Variants in PCDHA3 observed in about 807,000 individuals in gnomAD.
PCDHA3 encodes protocadherin alpha 3, also known as protocadherin alpha-3.
In PCDHA3, 41 loss-of-function variants were observed where a neutral mutation model predicts 62.2. That is an observed-to-expected ratio of 0.66 (90% CI 0.51 to 0.86). PCDHA3 has a LOEUF of 0.86. PCDHA3 is among the 40% of genes least tolerant of loss of function. The pLI, the probability that PCDHA3 is intolerant of heterozygous loss-of-function variation, is 0.00. For synonymous variants in PCDHA3, 640 were observed against 555.4 expected (o/e 1.15, Z -2.14); for missense variants, 1,304 against 1,241.2 (o/e 1.05, Z -0.76).
intron 1 of PCDHA3, among the ~76,000 whole-genome samples, chr5:140,914,884 CCTG>C (rs2153531970): frequency 6.6e-6 from 1 of 151,782 alleles, no homozygotes; most frequent in East Asian, 1.9e-4. Flanking sequence ...ACTGTATCCT[CCTG>C]CTTTTAACTT....
chr5:140,981,721 A>G (rs2096948672), intron 2 of PCDHA3, among the ~76,000 whole-genome samples: 1 of 151,112 alleles, frequency 6.6e-6, no homozygotes, highest in Non-Finnish European at 1.5e-5. Context: ...TTCATCCAAC[A>G]AATATTTGAG....
rs782025005 is a variant in PCDHA3 at position 140,982,513 on chromosome 5, G to C, written c.2492G>C (p.Gly831Ala). 83 of 1,614,076 alleles carry C rather than the reference G, an allele frequency of 5.1e-5. No homozygotes were observed. The highest frequency in any genetic ancestry group is 6.4e-5 in the Non-Finnish European group (75 of 1,180,040). ...GAGGAGGCTGGCATTCTACGGGCTG[G>C]TCCAGGAGGGCCTGATCAGCAGTGG... The part of the protein sequence containing the change: ...HLEEAGILRA[G>A]PGGPDQQWPT... The change falls in exon 3 of 4, where the codon GGT becomes GCT. Residue 831 changes from glycine (G) to alanine (A), a missense_variant. Transcript: ENST00000522353.
Position 140,820,128 on chromosome 5 carries a change from A to G in PCDHA3, c.2394+16537A>G, listed in dbSNP as rs191849856. ...TTTCTTATGTTTTTAACCATTGTGT[A>G]TTAAAATATTTCAAAATTATCAGTA... is the stretch of plus-strand genomic sequence containing the variant. On this transcript the variant is annotated intron_variant, in intron 1 of 3. Transcript: ENST00000522353. Among the ~76,000 whole-genome samples the G allele has an allele frequency of 3.5e-3, 530 of 152,088 alleles. 5 individuals are homozygous for G. Among genetic ancestry groups the G allele is most frequent in the African/African-American group, 0.012 (508 of 41,552 alleles).
intron 1 of PCDHA3, chr5:140,828,615 G>T: frequency 6.2e-7 from 1 of 1,614,212 alleles, no homozygotes; most frequent in Non-Finnish European, 8.5e-7. Context: ...CTCAGTTCTA[G>T]CGAATACTTC....
chr5:140,909,341 T>C (rs2074443719), intron 1 of PCDHA3, among the ~76,000 whole-genome samples: 1 of 152,222 alleles, frequency 6.6e-6, no homozygotes, highest in African/African-American at 2.4e-5. Context: ...GCATACCAGG[T>C]ACCAAGAGAT....
intron 1 of PCDHA3, chr5:140,869,754 G>A (rs781808579): frequency 1.2e-6 from 2 of 1,613,182 alleles, no homozygotes; most frequent in Admixed American, 1.7e-5. Context: ...CTACAGACGG[G>A]GGAAAACCAG....
chr5:140,861,466 T>C (rs533343348), intron 1 of PCDHA3: 34 of 493,930 alleles, frequency 6.9e-5, no homozygotes, highest in African/African-American at 6.7e-4. Context: ...GAGGTAAATC[T>C]GCAGAATGGC....
intron 3 of PCDHA3, among the ~76,000 whole-genome samples, chr5:140,999,451 C>T (rs1245812469): frequency 4.6e-5 from 7 of 152,084 alleles, no homozygotes; most frequent in African/African-American, 9.7e-5. Context: ...ATTCGTTCAA[C>T]GAATAAGTGG....
chr5:140,948,709 CT>C (rs144736017), intron 1 of PCDHA3, among the ~76,000 whole-genome samples: 2,043 of 151,408 alleles, frequency 0.013, 38 homozygotes, highest in African/African-American at 0.047. Context: ...GTGTTCTATC[CT>C]CTTTTTTATC....
chr5:140,934,235 A>G (rs1202721010), intron 1 of PCDHA3, among the ~76,000 whole-genome samples: 1 of 152,048 alleles, frequency 6.6e-6, no homozygotes, highest in Non-Finnish European at 1.5e-5. Flanking sequence ...TTTGTACTTA[A>G]TTGTGGAGAT....
At chr5:140,941,255 C>CTTTCTCTT (rs782490896) in intron 1 of PCDHA3, among the ~76,000 whole-genome samples, 24 of 44,510 alleles carry the variant, frequency 5.4e-4, no homozygotes, top group African/African-American at 1.5e-3. Flanking sequence ...TTCTTTCTTT[C>CTTTCTCTT]TCTTTCTTTC....
chr5:140,916,743 G>C (rs1355752854), intron 1 of PCDHA3, among the ~76,000 whole-genome samples: 1 of 152,156 alleles, frequency 6.6e-6, no homozygotes, highest in African/African-American at 2.4e-5. Context: ...AAGCTTCACT[G>C]CCTGGGATTA....
intron 1 of PCDHA3, chr5:140,828,594 TA>T: frequency 6.2e-7 from 1 of 1,614,242 alleles, no homozygotes; most frequent in Non-Finnish European, 8.5e-7. Flanking sequence ...AATTCCATCT[TA>T]ACCTATAAAC....
chr5:140,828,494 G>C (rs1333830874), intron 1 of PCDHA3: 1 of 1,614,144 alleles, frequency 6.2e-7, no homozygotes. Flanking sequence ...CTTGTTCCCG[G>C]TAGAGGAACA....
In PCDHA3 at chr5:140,946,631, T is replaced by TATAC. The variant is rs57893927; in HGVS notation, c.2395-32317_2395-32316insTACA. ...TGTGAAATATATATATATATATATA[T>TATAC]ACAATGGAATACTCATCAGCCATTA... On this transcript the variant is annotated intron_variant, in intron 1 of 3. Transcript: ENST00000522353. 2.4e-4 allele frequency among the ~76,000 whole-genome samples: 32 copies of TATAC among 131,838 alleles called. 1 individual carries two copies. The highest frequency in any genetic ancestry group is 4.2e-4 in the African/African-American group (12 of 28,706). 86.5% of individuals were successfully genotyped at this position (131,838 alleles called of 152,430 possible).
chr5:140,836,209 A>T, intron 1 of PCDHA3: 1 of 1,613,782 alleles, frequency 6.2e-7, no homozygotes, highest in Non-Finnish European at 8.5e-7. Context: ...TGGCTTTCGT[A>T]TGAGTTGCAA....
At chr5:140,822,835 C>A (rs1767446565) in intron 1 of PCDHA3, 1 of 1,614,198 alleles carries the variant, frequency 6.2e-7, no homozygotes, top group Non-Finnish European at 8.5e-7. Flanking sequence ...CATAACCACC[C>A]TTTTCCTGCC....
rs2150111777 is a variant in PCDHA3, at chr5:140,821,900, C to A, written c.2394+18309C>A. On this transcript the variant is annotated intron_variant, in intron 1 of 3. Coordinates refer to ENST00000522353, the MANE Select transcript of PCDHA3 (RefSeq NM_018906.3). ...ATCCCGGAGGAAGCCAAACACGGAA[C>A]CTTCGTTGGCCGCATCGCGCAGGAC... is the stretch of plus-strand genomic sequence containing the variant. 24 of 1,614,088 alleles carry A rather than the reference C, an allele frequency of 1.5e-5. No individual in the cohort carries two copies. The East Asian group carries it at 2.4e-4, about 16-fold the overall frequency.
intron 1 of PCDHA3, chr5:140,808,084 T>C (rs371031734): frequency 3.1e-6 from 5 of 1,613,938 alleles, no homozygotes; most frequent in Middle Eastern, 1.6e-4. Flanking sequence ...ATCCAATTAC[T>C]GGACAAATTA....
Sources: allele counts gnomAD v4.1 joint callset (sites outside exome capture counted in the v4.1 genomes callset), GRCh38; gene constraint gnomAD v4.1.1; transcripts MANE v1.5; gene names NCBI Gene and HGNC (gene_info 2026-07-23, HGNC 2026-07-21).